Variants in PARD3B observed in about 807,000 individuals in gnomAD.
PARD3B encodes the protein par-3 family cell polarity regulator beta, also known as partitioning defective 3 homolog B.
PARD3B carries 103 observed loss-of-function variants against 130.2 expected under a neutral mutation model. The observed-to-expected ratio is 0.79, with a 90% CI of 0.67 to 0.93. The LOEUF (loss-of-function observed/expected upper bound fraction) is 0.93. Among genes scored for constraint, PARD3B ranks in the 40% least tolerant of loss-of-function variants. The pLI, the probability that PARD3B is intolerant of heterozygous loss-of-function variation, is 0.00. For synonymous variants in PARD3B, 583 were observed against 553.2 expected (o/e 1.05, Z -0.76); for missense variants, 1,609 against 1,499.2 (o/e 1.07, Z -1.21).
At chr2:204,680,583 A>T (rs1276162622) in intron 1 of PARD3B, among the ~76,000 whole-genome samples, 1 of 150,916 alleles carries the variant, frequency 6.6e-6, no homozygotes, top group African/African-American at 2.4e-5. Flanking sequence ...TTTGGATTTC[A>T]TTAGCTGTTT....
intron 1 of PARD3B, among the ~76,000 whole-genome samples, chr2:204,599,220 A>G (rs2033414865): frequency 4.6e-5 from 7 of 152,026 alleles, no homozygotes; most frequent in South Asian, 4.1e-4. Context: ...TTTTCTAGCT[A>G]TTTGAAAATA....
At chr2:205,223,355 A>T (rs1921795) in intron 15 of PARD3B, among the ~76,000 whole-genome samples, 1 of 151,996 alleles carries the variant, frequency 6.6e-6, no homozygotes, top group Non-Finnish European at 1.5e-5. Context: ...TGATGTGGTA[A>T]ATAAGATGAG....
At chr2:205,496,567 A>G (rs1002450689) in intron 20 of PARD3B, among the ~76,000 whole-genome samples, 2 of 152,020 alleles carry the variant, frequency 1.3e-5, no homozygotes, top group African/African-American at 2.4e-5. Context: ...CTTGGGCCAG[A>G]TTTCTTTTCT....
intron 20 of PARD3B, among the ~76,000 whole-genome samples, chr2:205,479,240 G>C (rs966796570): frequency 2.6e-5 from 4 of 152,110 alleles, no homozygotes; most frequent in African/African-American, 7.2e-5. Context: ...TCCTTAAATG[G>C]CACCATCATT....
chr2:204,723,954 G>C (rs2039109314), intron 2 of PARD3B, among the ~76,000 whole-genome samples: 1 of 152,050 alleles, frequency 6.6e-6, no homozygotes, highest in African/African-American at 2.4e-5. Flanking sequence ...TTGCTGATTT[G>C]AGTTCTTATA....
chr2:205,172,761 T>C (rs2035247243), intron 12 of PARD3B, among the ~76,000 whole-genome samples: 2 of 152,208 alleles, frequency 1.3e-5, no homozygotes, highest in Non-Finnish European at 2.9e-5. Context: ...GTCAGCTCTC[T>C]GTATTCTCTT....
At chr2:204,973,584 A>G (rs977156954) in intron 3 of PARD3B, among the ~76,000 whole-genome samples, 6 of 151,928 alleles carry the variant, frequency 3.9e-5, no homozygotes, top group Non-Finnish European at 7.4e-5. Context: ...AAAAAAAAAA[A>G]AAATCCACTA....
chr2:205,548,415 T>G (rs371858507), intron 21 of PARD3B, among the ~76,000 whole-genome samples: 1 of 152,130 alleles, frequency 6.6e-6, no homozygotes, highest in South Asian at 2.1e-4. Context: ...TGTCCTTCAT[T>G]TATTCCTGTT....
chr2:205,026,251 C>A (rs1340126477), intron 3 of PARD3B, among the ~76,000 whole-genome samples: 1 of 152,088 alleles, frequency 6.6e-6, no homozygotes, highest in African/African-American at 2.4e-5. Flanking sequence ...TACAAAGGCA[C>A]TAGGGCAGTC....
chr2:205,078,142 A>G lies in PARD3B; in HGVS notation c.505-26284A>G, dbSNP rs148116016. 3.1e-3 allele frequency among the ~76,000 whole-genome samples: 477 copies of G among 152,282 alleles called. 1 individual carries two copies. Among genetic ancestry groups the G allele is most frequent in the Non-Finnish European group, 5.7e-3 (386 of 68,008 alleles). ...GGTGATTTATGTAATTAAGAGTGAG[A>G]TATAGTTTATTTATGAAAAGGTGCT... On this transcript the variant is annotated intron_variant, in intron 4 of 22. Coordinates refer to ENST00000406610, the MANE Select transcript of PARD3B (RefSeq NM_001302769.2). This position sits in a 1 kb window ranked among gnomAD's most constrained non-coding sequence, Gnocchi z 4.0.
intron 1 of PARD3B, among the ~76,000 whole-genome samples, chr2:204,605,154 T>G (rs1448838386): frequency 2.0e-5 from 3 of 152,098 alleles, no homozygotes; most frequent in Non-Finnish European, 4.4e-5. Flanking sequence ...GTGTCAGAAA[T>G]GCCAGTCCAT....
chr2:204,776,607 C>T (rs924957065), intron 2 of PARD3B, among the ~76,000 whole-genome samples: 6 of 151,528 alleles, frequency 4.0e-5, no homozygotes, highest in African/African-American at 1.2e-4. Context: ...CCTTTTTTCC[C>T]CGAGACATGG....
chr2:204,702,427 C>CCATT (rs2037937117), intron 2 of PARD3B, among the ~76,000 whole-genome samples: 1 of 152,066 alleles, frequency 6.6e-6, no homozygotes, highest in African/African-American at 2.4e-5. Flanking sequence ...ACTTTTTAAG[C>CCATT]CATTCTGACT....
intron 1 of PARD3B, among the ~76,000 whole-genome samples, chr2:204,612,675 C>T (rs1295331866): frequency 6.6e-6 from 1 of 152,036 alleles, no homozygotes; most frequent in East Asian, 1.9e-4. Flanking sequence ...TTATTTTAAA[C>T]TCACTGAAGT....
At chr2:205,002,822 T>A (rs1358605318) in intron 3 of PARD3B, among the ~76,000 whole-genome samples, 1 of 152,192 alleles carries the variant, frequency 6.6e-6, no homozygotes, top group Admixed American at 6.5e-5. Context: ...GTTGATGCCA[T>A]AAGAAATTAC....
At chr2:204,562,403 T>G (rs899329198) in intron 1 of PARD3B, among the ~76,000 whole-genome samples, 13 of 152,158 alleles carry the variant, frequency 8.5e-5, no homozygotes, top group Admixed American at 2.0e-4. Context: ...CAAATGACAT[T>G]GTAGGTGTTA....
intron 15 of PARD3B, among the ~76,000 whole-genome samples, chr2:205,239,493 C>A (rs2039254737): frequency 6.6e-6 from 1 of 152,114 alleles, no homozygotes; most frequent in Admixed American, 6.6e-5. Flanking sequence ...ACAGTGTGTA[C>A]TGAATGGATT....
chr2:205,428,056 A>G (rs1217567235), intron 19 of PARD3B, among the ~76,000 whole-genome samples: 1 of 152,154 alleles, frequency 6.6e-6, no homozygotes, highest in African/African-American at 2.4e-5. Context: ...TTGAGAAGTG[A>G]AGTGCTCATG....
intron 10 of PARD3B, among the ~76,000 whole-genome samples, chr2:205,154,921 C>T (rs2034015152): frequency 6.6e-6 from 1 of 152,070 alleles, no homozygotes. Context: ...GGAGGGATAG[C>T]ATTAGGAGAA....
Sources: gnomAD v4.1 joint callset for allele counts (sites outside exome capture counted in the v4.1 genomes callset) on GRCh38, gnomAD v4.1.1 for gene constraint, Gnocchi (gnomAD v3.1) non-coding constraint, MANE v1.5 for transcripts, NCBI Gene and HGNC (gene_info 2026-07-23, HGNC 2026-07-21) for gene names.